The following CNTN5 variants were observed in gnomAD, a reference collection of about 807,000 sequenced individuals.
The protein encoded by CNTN5 is contactin 5.
CNTN5 carries 77 observed loss-of-function variants against 129.1 expected under a neutral mutation model. The observed-to-expected ratio is 0.60, with a 90% CI of 0.50 to 0.72. The LOEUF (loss-of-function observed/expected upper bound fraction) is 0.72. CNTN5 is among the 30% of genes least tolerant of loss of function. The pLI, the probability that CNTN5 is intolerant of heterozygous loss-of-function variation, is 0.00. For synonymous variants in CNTN5, 509 were observed against 465.6 expected, an observed-to-expected ratio of 1.09 and a Z score of -1.20; for missense variants, 1,478 against 1,328.8, an observed-to-expected ratio of 1.11 and a Z score of -1.75.
intron 10 of CNTN5, among the ~76,000 whole-genome samples, chr11:100,069,239 A>C (rs1591175578): frequency 6.6e-6 from 1 of 152,006 alleles, no homozygotes; most frequent in South Asian, 2.1e-4. Flanking sequence ...TGCAGCTTCA[A>C]CCTCCCATGA....
chr11:99,479,007 A>G (rs1253753417), intron 2 of CNTN5, among the ~76,000 whole-genome samples: 1 of 152,144 alleles, frequency 6.6e-6, no homozygotes, highest in Non-Finnish European at 1.5e-5. Flanking sequence ...TTGAATGAAT[A>G]TAGAAATAAA....
At chr11:99,792,924 T>C (rs569082778) in intron 3 of CNTN5, among the ~76,000 whole-genome samples, 39 of 152,324 alleles carry the variant, frequency 2.6e-4, no homozygotes, top group African/African-American at 8.4e-4. Flanking sequence ...CAGGTGTTCA[T>C]AGTAGTCTCT....
intron 3 of CNTN5, among the ~76,000 whole-genome samples, chr11:99,621,500 CA>C (rs1950949532): frequency 2.0e-5 from 3 of 151,616 alleles, no homozygotes; most frequent in Non-Finnish European, 4.4e-5. Context: ...ACACTGTTTT[CA>C]TTTCAAGAAT....
At chr11:99,050,337 AAAG>A (rs1384095043) in intron 1 of CNTN5, among the ~76,000 whole-genome samples, 5 of 152,162 alleles carry the variant, frequency 3.3e-5, no homozygotes, top group South Asian at 4.1e-4. Context: ...GGTAAAGAAA[AAAG>A]AAGTGCAAAA....
At position 99,024,124 on chromosome 11, in the gene CNTN5, T is replaced by C. The variant is rs568729331; in HGVS notation, c.-210+2854T>C. 4.6e-5 allele frequency among the ~76,000 whole-genome samples: 7 copies of C among 152,286 alleles called. No homozygotes were observed. The East Asian group carries it at 1.4e-3, about 29-fold the overall frequency. On this transcript the variant is annotated intron_variant, in intron 1 of 24. Coordinates refer to ENST00000524871, the MANE Select transcript of CNTN5 (RefSeq NM_014361.4). ...TTAGAGGCTGGTACATTTTAAAAAGTAATGAAGTATATAAAACTCCTAATG... is the reference window on the plus strand; with the variant it reads ...TTAGAGGCTGGTACATTTTAAAAAGCAATGAAGTATATAAAACTCCTAATG...
chr11:99,274,652 A>G (rs951916896), intron 1 of CNTN5, among the ~76,000 whole-genome samples: 8 of 151,564 alleles, frequency 5.3e-5, no homozygotes, highest in African/African-American at 1.9e-4. Context: ...CTATATATAT[A>G]TGAATACCTC....
At chr11:99,189,554 T>C (rs1375225868) in intron 1 of CNTN5, among the ~76,000 whole-genome samples, 2 of 151,646 alleles carry the variant, frequency 1.3e-5, no homozygotes, top group African/African-American at 4.8e-5. Context: ...CTTATTATCT[T>C]TCTTCTTTTT....
At chr11:99,378,146 A>C (rs1052599290) in intron 2 of CNTN5, among the ~76,000 whole-genome samples, 5 of 152,118 alleles carry the variant, frequency 3.3e-5, no homozygotes, top group African/African-American at 4.8e-5. Flanking sequence ...CTTTACCCTT[A>C]AAATTTGTGG....
At chr11:100,106,641 A>G (rs1194818590) in intron 13 of CNTN5, among the ~76,000 whole-genome samples, 1 of 152,198 alleles carries the variant, frequency 6.6e-6, no homozygotes, top group Non-Finnish European at 1.5e-5. Flanking sequence ...TGAAAAAAAT[A>G]GGGACCATTA....
intron 18 of CNTN5, among the ~76,000 whole-genome samples, chr11:100,294,572 G>C (rs1295459384): frequency 6.6e-6 from 1 of 151,640 alleles, no homozygotes; most frequent in African/African-American, 2.4e-5. Flanking sequence ...ATATGCTCAA[G>C]ACATTTATCA....
At chr11:99,670,560 C>T (rs1242280009) in intron 3 of CNTN5, among the ~76,000 whole-genome samples, 1 of 152,170 alleles carries the variant, frequency 6.6e-6, no homozygotes, top group Non-Finnish European at 1.5e-5. Context: ...ATGGGAAAAA[C>T]CACCTCACTA....
intron 1 of CNTN5, among the ~76,000 whole-genome samples, chr11:99,238,217 A>AT (rs1374436846): frequency 1.3e-5 from 2 of 152,156 alleles, no homozygotes; most frequent in Non-Finnish European, 2.9e-5. Context: ...AATTTGTTAA[A>AT]TTTTTTCCAG....
chr11:99,830,435 T>C (rs1169544212), intron 4 of CNTN5, among the ~76,000 whole-genome samples: 1 of 152,156 alleles, frequency 6.6e-6, no homozygotes, highest in Admixed American at 6.6e-5. Flanking sequence ...ATTAACAGAT[T>C]TGACTTGGCA....
At chr11:99,673,175 C>A (rs778427389) in intron 3 of CNTN5, among the ~76,000 whole-genome samples, 2 of 152,168 alleles carry the variant, frequency 1.3e-5, no homozygotes, top group Admixed American at 6.6e-5. Flanking sequence ...GTAGCTGTAA[C>A]TCCAGTTACA....
intron 1 of CNTN5, among the ~76,000 whole-genome samples, chr11:99,224,657 A>ATTTTTTTTTTTTTT (rs3082693): frequency 9.2e-6 from 1 of 108,972 alleles, no homozygotes. Context: ...CCAAGGTTGC[A>ATTTTTTTTTTTTTT]TTTTTTTTTT....
intron 3 of CNTN5, among the ~76,000 whole-genome samples, chr11:99,715,234 A>G (rs1378112244): frequency 6.6e-6 from 1 of 151,996 alleles, no homozygotes; most frequent in East Asian, 1.9e-4. Context: ...GAGTTTCGCA[A>G]TTACATAGTG....
At chr11:100,306,440 CT>C (rs1317877664) in intron 20 of CNTN5, among the ~76,000 whole-genome samples, 1 of 151,668 alleles carries the variant, frequency 6.6e-6, no homozygotes, top group Non-Finnish European at 1.5e-5. Flanking sequence ...CTGCAATCTT[CT>C]TTGACAAAGA....
intron 6 of CNTN5, among the ~76,000 whole-genome samples, chr11:99,850,499 GT>G (rs1224165901): frequency 6.6e-6 from 1 of 151,990 alleles, no homozygotes; most frequent in African/African-American, 2.4e-5. Context: ...TGTTTTTAAA[GT>G]TTCATTTCTA....
At chr11:100,041,776 C>T (rs1474278528) in intron 9 of CNTN5, among the ~76,000 whole-genome samples, 1 of 152,140 alleles carries the variant, frequency 6.6e-6, no homozygotes, top group Non-Finnish European at 1.5e-5. Flanking sequence ...AAGGCCATAT[C>T]AGATCATAAT....
Sources: allele counts gnomAD v4.1 joint callset (sites outside exome capture counted in the v4.1 genomes callset), GRCh38; gene constraint gnomAD v4.1.1; transcripts MANE v1.5; gene names NCBI Gene and HGNC (gene_info 2026-07-23, HGNC 2026-07-21).